TMEM74: variants seen among roughly 807,000 people sequenced by gnomAD.
The protein encoded by TMEM74 is transmembrane protein 74.
Under a neutral mutation model 18.1 loss-of-function variants are expected in TMEM74, and 13 were observed. That is an observed-to-expected ratio of 0.72 (90% confidence interval 0.47 to 1.14). TMEM74 has a LOEUF of 1.14. TMEM74 is among the 50% of genes most tolerant of loss of function. TMEM74 has a pLI of 0.00. For missense variants in TMEM74, 372 were observed against 375.9 expected (o/e 0.99, Z 0.09); for synonymous variants, 159 against 146.6 (o/e 1.08, Z -0.61).
At chr8:108,664,913 A>G (rs1288572724) in intron 1 of TMEM74, among the ~76,000 whole-genome samples, 1 of 152,146 alleles carries the variant, frequency 6.6e-6, no homozygotes, top group Non-Finnish European at 1.5e-5. Context: ...AATTAGAAAA[A>G]GGATATAGAT....
intron 2 of TMEM74, chr8:108,652,792 C>A: frequency 3.8e-6 from 2 of 527,886 alleles, no homozygotes; most frequent in South Asian, 1.8e-5. Flanking sequence ...ATGACCCACC[C>A]CATGTCAAAG....
intron 1 of TMEM74, among the ~76,000 whole-genome samples, chr8:108,680,535 C>T (rs1813102451): frequency 1.3e-5 from 2 of 152,148 alleles, no homozygotes; most frequent in Non-Finnish European, 2.9e-5. Flanking sequence ...TAAGAGCTAT[C>T]TATGACAAAC....
intron 2 of TMEM74, chr8:108,652,673 A>G: frequency 1.7e-6 from 1 of 593,954 alleles, no homozygotes; most frequent in Non-Finnish European, 3.2e-6. Flanking sequence ...ATTGTGCAGA[A>G]AATCCAGGAA....
At chr8:108,687,461 G>T (rs907816405) in intron 1 of TMEM74, among the ~76,000 whole-genome samples, 1 of 152,074 alleles carries the variant, frequency 6.6e-6, no homozygotes, top group South Asian at 2.1e-4. Flanking sequence ...AGGCAATTTT[G>T]TCACGGACAG....
Position 108,779,211 on chromosome 8 carries a change from TAATC to T in TMEM74, c.*4966_*4969del, listed in dbSNP as rs1814272840. 6.6e-6 allele frequency among the ~76,000 whole-genome samples: 1 copy of T among 152,140 alleles called. No homozygotes were observed. On this transcript the variant is annotated 3_prime_UTR_variant, in exon 2 of 2. Coordinates refer to ENST00000297459, the MANE Select transcript of TMEM74 (RefSeq NM_153015.3). ...GCCCTTGAAAATATCAAAAAGCACATAATCAATGTCAAATTATTTTTGTTTGGCA... is the reference window on the plus strand; with the variant it reads ...GCCCTTGAAAATATCAAAAAGCACATAATGTCAAATTATTTTTGTTTGGCA...
chr8:108,673,037 G>A (rs528004952), intron 1 of TMEM74, among the ~76,000 whole-genome samples: 1 of 152,274 alleles, frequency 6.6e-6, no homozygotes, highest in South Asian at 2.1e-4. Context: ...ATCTTATGTA[G>A]CAGAGACGTA....
intron 2 of TMEM74, among the ~76,000 whole-genome samples, chr8:108,640,158 A>G (rs1586243520): frequency 8.9e-6 from 1 of 112,824 alleles, no homozygotes; most frequent in Admixed American, 1.3e-4. Flanking sequence ...CGGAGTCCGG[A>G]GTCTTGCTCT....
intron 1 of TMEM74, among the ~76,000 whole-genome samples, chr8:108,699,220 C>T (rs1378176631): frequency 6.9e-6 from 1 of 145,086 alleles, no homozygotes; most frequent in Non-Finnish European, 1.5e-5. Flanking sequence ...TCTCTCCCTC[C>T]CTCCTTCTCT....
intron 2 of TMEM74, among the ~76,000 whole-genome samples, chr8:108,655,065 T>C (rs1315674609): frequency 6.6e-6 from 1 of 152,158 alleles, no homozygotes; most frequent in Non-Finnish European, 1.5e-5. Flanking sequence ...ACCTAACATA[T>C]CTTGTAAAAT....
At chr8:108,620,822 G>T (rs1020486929) in intron 2 of TMEM74, among the ~76,000 whole-genome samples, 12 of 152,000 alleles carry the variant, frequency 7.9e-5, no homozygotes, top group African/African-American at 2.4e-4. Flanking sequence ...TCCTTGATAG[G>T]TTCTTAGTAA....
Position 108,784,858 on chromosome 8 carries a change from A to G in TMEM74, c.241T>C (p.Phe81Leu). 2 of 1,614,182 alleles carry G rather than the reference A, an allele frequency of 1.2e-6. No individual in the cohort carries two copies. Among genetic ancestry groups the G allele is most frequent in the Non-Finnish European group, 1.7e-6 (2 of 1,180,038 alleles). Residue 81 changes from phenylalanine (F) to leucine (L), a missense_variant, in exon 2 of 2, where the codon TTT becomes CTT. Coordinates refer to ENST00000297459, the MANE Select transcript of TMEM74 (RefSeq NM_153015.3). ...CCTGAGTGGAGAAGTCCTGGTGGAA[A>G]GGCATCTGGCTGAAGAGTACTGTTT... ...LQNSTLQPDA[F>L]PPGLLHSGNN...
chr8:108,778,813 T>C (rs1470840722), downstream of TMEM74, among the ~76,000 whole-genome samples: 1 of 152,192 alleles, frequency 6.6e-6, no homozygotes, highest in African/African-American at 2.4e-5. Context: ...TTTTAAAAAA[T>C]ATTTATTCAT....
intron 2 of TMEM74, among the ~76,000 whole-genome samples, chr8:108,629,463 A>T (rs567743738): frequency 6.6e-6 from 1 of 152,206 alleles, no homozygotes; most frequent in South Asian, 2.1e-4. Flanking sequence ...GCCAACATCC[A>T]AATTCAACAA....
intron 1 of TMEM74, among the ~76,000 whole-genome samples, chr8:108,738,711 A>G (rs1339032673): frequency 6.6e-6 from 1 of 152,198 alleles, no homozygotes; most frequent in Non-Finnish European, 1.5e-5. Context: ...AATTAATTTC[A>G]GCTTTGGGAA....
intron 1 of TMEM74, among the ~76,000 whole-genome samples, chr8:108,657,058 A>G (rs1189899207): frequency 3.3e-5 from 5 of 152,140 alleles, no homozygotes; most frequent in Admixed American, 3.3e-4. Flanking sequence ...ATTTTATAAT[A>G]TTCACTTTTT....
At position 108,766,815 on chromosome 8, in the gene TMEM74, G is replaced by A. The variant is rs909846847; in HGVS notation, n.119+20661C>T. On this transcript the variant is annotated intron_variant and non_coding_transcript_variant, in intron 1 of 3. Coordinates refer to the TMEM74 transcript ENST00000518838. ...GCGCAGCTTTCAGTCTGTGGCCAAA[G>A]GCCCAAAAGCCCCGTGGCAAACCAC... Among the ~76,000 whole-genome samples the A allele has an allele frequency of 2.0e-5, 3 of 152,258 alleles. No individual in the cohort carries two copies. In the East Asian group the frequency reaches 5.8e-4, roughly 30 times the overall value.
intron 2 of TMEM74, among the ~76,000 whole-genome samples, chr8:108,636,579 AG>A (rs1812608537): frequency 6.6e-6 from 1 of 152,076 alleles, no homozygotes; most frequent in African/African-American, 2.4e-5. Context: ...CTAAAAACTA[AG>A]GCTGTAGCAT....
rs1360326251 is a variant in TMEM74, at chr8:108,727,740, T to A, written n.119+59736A>T. Among the ~76,000 whole-genome samples the A allele has an allele frequency of 2.0e-5, 3 of 152,066 alleles. No individual in the cohort carries two copies. In the East Asian group the frequency reaches 5.8e-4, roughly 29 times the overall value. The stretch of plus-strand genomic sequence containing the variant: ...TTGAAAGACATGAAAATTGAAGAGA[T>A]CACCAACCAAAATTGTGTCCATAGA... On this transcript the variant is annotated intron_variant and non_coding_transcript_variant, in intron 1 of 3. Transcript: ENST00000518838.
chr8:108,625,818 G>A (rs1414763515), intron 2 of TMEM74, among the ~76,000 whole-genome samples: 1 of 151,862 alleles, frequency 6.6e-6, no homozygotes, highest in African/African-American at 2.4e-5. Context: ...AGTCTGATAT[G>A]CCTAAAAAAA....
Sources: gnomAD v4.1 joint callset for allele counts (sites outside exome capture counted in the v4.1 genomes callset) on GRCh38, gnomAD v4.1.1 for gene constraint, MANE v1.5 for transcripts, NCBI Gene and HGNC (gene_info 2026-07-23, HGNC 2026-07-21) for gene names.